The following ZBTB46 variants were observed in gnomAD, a reference collection of about 807,000 sequenced individuals.
ZBTB46 encodes the protein zinc finger and BTB domain containing 46.
ZBTB46 carries 8 observed loss-of-function variants against 44.1 expected under a neutral mutation model. The observed-to-expected ratio is 0.18, with a 90% CI of 0.11 to 0.33. The LOEUF is 0.33. ZBTB46 is among the 10% of genes least tolerant of loss of function. ZBTB46 has a pLI of 1.00. For missense variants in ZBTB46, 651 were observed against 847.7 expected (o/e 0.77, Z 2.88); for synonymous variants, 409 against 382.3 (o/e 1.07, Z -0.81).
intron 3 of ZBTB46, among the ~76,000 whole-genome samples, chr20:63,771,319 G>A (rs1280382810): frequency 2.0e-5 from 3 of 151,794 alleles, no homozygotes; most frequent in African/African-American, 7.3e-5. Flanking sequence ...CCCACTCTCC[G>A]GCCCCCACAG....
chr20:63,747,844 G>A (rs1463123882), intron 4 of ZBTB46, among the ~76,000 whole-genome samples: 1 of 152,156 alleles, frequency 6.6e-6, no homozygotes, highest in African/African-American at 2.4e-5. Flanking sequence ...GGCCCCCTGG[G>A]TTGACACACT....
chr20:63,789,993 G>T lies in ZBTB46; in HGVS notation c.765C>A (p.Phe255Leu). The T allele has an allele frequency of 6.2e-7, 1 of 1,614,156 alleles. No homozygotes were observed. Among genetic ancestry groups the T allele is most frequent in the Admixed American group, 1.7e-5 (1 of 60,030 alleles). The part of the protein sequence containing the change: ...SAKDGAVQNS[F>L]SEQSAGDAWQ... Reference sequence around the variant, plus strand: ...AGGCATCACCAGCACTCTGCTCTGAGAAAGAGTTCTGTACTGCACCGTCCT... The same window carrying T: ...AGGCATCACCAGCACTCTGCTCTGATAAAGAGTTCTGTACTGCACCGTCCT... The change falls in exon 2 of 5, where the codon TTC (phenylalanine) becomes TTA (leucine). Residue 255 changes from phenylalanine (F) to leucine (L), a missense_variant. Phe to Leu is a conservative substitution (Grantham distance 22). This residue lies in a region of ZBTB46 where 385 missense variants were observed against 423.3 expected (regional missense o/e 0.91). Coordinates refer to ENST00000245663, the MANE Select transcript of ZBTB46 (RefSeq NM_001369741.1).
At chr20:63,830,757 G>T (rs1179907585) in intron 1 of ZBTB46, among the ~76,000 whole-genome samples, 1 of 146,526 alleles carries the variant, frequency 6.8e-6, no homozygotes, top group Admixed American at 6.7e-5. Flanking sequence ...GGCGGGAGGT[G>T]CCGGGGGCCG....
At chr20:63,827,677 T>C (rs2092827266) in intron 1 of ZBTB46, among the ~76,000 whole-genome samples, 1 of 151,418 alleles carries the variant, frequency 6.6e-6, no homozygotes, top group Non-Finnish European at 1.5e-5. Flanking sequence ...AAAAATACAC[T>C]AATGTTTCTC....
At chr20:63,760,164 T>C (rs760482786) in intron 3 of ZBTB46, among the ~76,000 whole-genome samples, 19 of 152,244 alleles carry the variant, frequency 1.2e-4, no homozygotes, top group South Asian at 4.1e-4. Context: ...TTTCTTCTAG[T>C]ATTTGGAAGA....
At chr20:63,764,697 G>A (rs527241059) in intron 3 of ZBTB46, among the ~76,000 whole-genome samples, 1 of 151,134 alleles carries the variant, frequency 6.6e-6, no homozygotes, top group Non-Finnish European at 1.5e-5. Flanking sequence ...CCACCTCCCA[G>A]GTTCAAACAG....
chr20:63,798,018 A>G (rs2092616476), intron 1 of ZBTB46, among the ~76,000 whole-genome samples: 1 of 152,166 alleles, frequency 6.6e-6, no homozygotes, highest in Non-Finnish European at 1.5e-5. Context: ...CCATTCATCA[A>G]TTTTGGCTTT....
chr20:63,797,657 A>G (rs1264763276), intron 1 of ZBTB46, among the ~76,000 whole-genome samples: 1 of 152,212 alleles, frequency 6.6e-6, no homozygotes, highest in Non-Finnish European at 1.5e-5. Flanking sequence ...CATCCTCTCC[A>G]GCACCTATTG....
intron 3 of ZBTB46, among the ~76,000 whole-genome samples, chr20:63,755,355 G>A (rs188793499): frequency 6.6e-6 from 1 of 152,360 alleles, no homozygotes; most frequent in African/African-American, 2.4e-5. Context: ...GTAGCTCCGG[G>A]GAGGGTCCCT....
Position 63,744,184 on chromosome 20 carries a change from A to G in ZBTB46, c.*2746T>C, listed in dbSNP as rs1442306892. 2 of 152,144 alleles carry G rather than the reference A, an allele frequency of 1.3e-5. No homozygotes were observed. The highest frequency in any genetic ancestry group is 2.9e-5 in the Non-Finnish European group (2 of 68,012). 9.4% of individuals were successfully genotyped at this position (152,144 alleles called of 1,614,324 possible). On this transcript the variant is annotated 3_prime_UTR_variant, in exon 5 of 5. Coordinates refer to ENST00000245663, the MANE Select transcript of ZBTB46 (RefSeq NM_001369741.1). ...ATGTCACAGAATGAGCTAAAATAAG[A>G]TTACTTCTTTTATAATATTGCAAAA... is the stretch of plus-strand genomic sequence containing the variant.
At chr20:63,823,888 G>GTGTGTGTGTGTGTGTGT (rs1414023978) in intron 1 of ZBTB46, among the ~76,000 whole-genome samples, 16 of 151,666 alleles carry the variant, frequency 1.1e-4, no homozygotes, top group African/African-American at 3.9e-4. Context: ...GTGTGTGTGT[G>GTGTGTGTGTGTGTGTGT]TTCTTTGGGA....
At chr20:63,793,828 C>T (rs1469787465) in intron 1 of ZBTB46, among the ~76,000 whole-genome samples, 3 of 152,032 alleles carry the variant, frequency 2.0e-5, no homozygotes, top group African/African-American at 7.2e-5. Flanking sequence ...AGCTTAAAAT[C>T]AGTTATATAC....
At chr20:63,833,590 CA>C (rs2092861672), upstream of ZBTB46, among the ~76,000 whole-genome samples, 1 of 150,936 alleles carries the variant, frequency 6.6e-6, no homozygotes, top group Non-Finnish European at 1.5e-5. Context: ...GACTCTGTCT[CA>C]AAAAAGAAAA....
intron 1 of ZBTB46, among the ~76,000 whole-genome samples, chr20:63,809,711 C>T (rs904940067): frequency 6.6e-6 from 1 of 152,134 alleles, no homozygotes; most frequent in Non-Finnish European, 1.5e-5. Context: ...CCTGAAATCC[C>T]AACGCTGAGG....
At chr20:63,806,558 G>C (rs1283577092) in intron 1 of ZBTB46, among the ~76,000 whole-genome samples, 1 of 152,162 alleles carries the variant, frequency 6.6e-6, no homozygotes. Flanking sequence ...TAAGAAGGTT[G>C]TAATACCTGC....
In ZBTB46 at chr20:63,775,974, G is replaced by A. The variant is rs769703478; in HGVS notation, c.938-12C>T. On this transcript the variant is annotated splice_polypyrimidine_tract_variant and intron_variant, in intron 2 of 4. Coordinates refer to ENST00000245663, the MANE Select transcript of ZBTB46 (RefSeq NM_001369741.1). ...GGACAGGTCCGCATCTGGGGACAGA[G>A]GGACACACGTCAGAAGACACGGGTC... is the stretch of plus-strand genomic sequence containing the variant. 44 of 1,537,974 alleles carry A rather than the reference G, an allele frequency of 2.9e-5. No homozygotes were observed. The East Asian group carries it at 5.6e-4, about 20-fold the overall frequency.
intron 3 of ZBTB46, among the ~76,000 whole-genome samples, chr20:63,768,298 C>A (rs1035223319): frequency 6.6e-6 from 1 of 152,220 alleles, no homozygotes; most frequent in Admixed American, 6.5e-5. Context: ...CGAGGCTCAT[C>A]CTAGCACTTT....
chr20:63,752,681 C>T lies in ZBTB46; in HGVS notation c.1398+5G>A. On this transcript the variant is annotated splice_donor_5th_base_variant and intron_variant, in intron 4 of 4. Coordinates refer to ENST00000245663, the MANE Select transcript of ZBTB46 (RefSeq NM_001369741.1). This position sits in a 1 kb window ranked among gnomAD's most constrained non-coding sequence, Gnocchi z 5.6. Reference sequence around the variant, plus strand: ...GCGCGGCACGCGGACCCTCCCCGCACTCACCAGCGTGTGGCGCTTCATGTG... The same window carrying T: ...GCGCGGCACGCGGACCCTCCCCGCATTCACCAGCGTGTGGCGCTTCATGTG... 2 of 1,570,478 alleles carry T rather than the reference C, an allele frequency of 1.3e-6. No homozygotes were observed. Among genetic ancestry groups the T allele is most frequent in the Non-Finnish European group, 8.6e-7 (1 of 1,159,436 alleles).
intron 3 of ZBTB46, among the ~76,000 whole-genome samples, chr20:63,764,156 G>T (rs2092299445): frequency 6.6e-6 from 1 of 152,034 alleles, no homozygotes; most frequent in East Asian, 1.9e-4. Flanking sequence ...AAATTTATAG[G>T]CCAAGCACGG....
Sources: gnomAD v4.1 joint callset for allele counts (sites outside exome capture counted in the v4.1 genomes callset) on GRCh38, gnomAD v4.1.1 for gene constraint, gnomAD v4.1.1 regional missense constraint, Gnocchi (gnomAD v3.1) non-coding constraint, MANE v1.5 for transcripts, NCBI Gene and HGNC (gene_info 2026-07-23, HGNC 2026-07-21) for gene names.